Variants in PARD3B observed in about 807,000 individuals in gnomAD.
PARD3B encodes the protein partitioning defective 3 homolog B.
PARD3B carries 103 observed loss-of-function variants against 130.2 expected under a neutral mutation model. The observed-to-expected ratio is 0.79, with a 90% CI of 0.67 to 0.93. The LOEUF is 0.93. PARD3B is among the 40% of genes least tolerant of loss of function. The pLI, the probability that PARD3B is intolerant of heterozygous loss-of-function variation, is 0.00. For missense variants in PARD3B, 1,609 were observed against 1,499.2 expected (o/e 1.07, Z -1.21); for synonymous variants, 583 against 553.2 (o/e 1.05, Z -0.76).
intron 15 of PARD3B, among the ~76,000 whole-genome samples, chr2:205,217,888 A>C (rs1559553074): frequency 1.3e-5 from 1 of 75,078 alleles, no homozygotes; most frequent in Non-Finnish European, 2.5e-5. Flanking sequence ...ATATATATAT[A>C]TATATATTTT....
chr2:204,898,426 A>C (rs1422109196), intron 2 of PARD3B, among the ~76,000 whole-genome samples: 4 of 152,002 alleles, frequency 2.6e-5, no homozygotes, highest in Non-Finnish European at 5.9e-5. Flanking sequence ...TGTACCTATT[A>C]ACCATCCACA....
At chr2:205,042,238 C>T (rs1289297600) in intron 3 of PARD3B, among the ~76,000 whole-genome samples, 1 of 152,174 alleles carries the variant, frequency 6.6e-6, no homozygotes, top group African/African-American at 2.4e-5. Flanking sequence ...AGCTGCCCCA[C>T]CATTAAAATA....
chr2:205,428,062 T>C (rs1315679826), intron 19 of PARD3B, among the ~76,000 whole-genome samples: 1 of 152,120 alleles, frequency 6.6e-6, no homozygotes, highest in Non-Finnish European at 1.5e-5. Flanking sequence ...AGTGAAGTGC[T>C]CATGAATGGG....
In PARD3B at chr2:204,965,222, G is replaced by C; in HGVS notation, c.293G>C (p.Arg98Pro). The C allele has an allele frequency of 6.2e-7, 1 of 1,613,914 alleles. No homozygotes were observed. ...IESPSGNPADRQSPDAFETEV... is the reference protein window; with the variant it reads ...IESPSGNPADPQSPDAFETEV... ...AGCCCCAGTGGAAACCCTGCAGATCGGCAGAGCCCAGATGCTTTTGAGACA... is the reference window on the plus strand; with the variant it reads ...AGCCCCAGTGGAAACCCTGCAGATCCGCAGAGCCCAGATGCTTTTGAGACA... The change falls in exon 3 of 23, where the codon CGG (arginine) becomes CCG (proline). Residue 98 changes from arginine (R) to proline (P), a missense_variant. Arg to Pro is a moderately radical substitution (Grantham distance 103, BLOSUM62 -2). Transcript: ENST00000406610.
intron 2 of PARD3B, among the ~76,000 whole-genome samples, chr2:204,940,474 G>T (rs1478018276): frequency 7.0e-5 from 10 of 142,046 alleles, no homozygotes. Flanking sequence ...AGTAACTTGA[G>T]AGTTTTTTTT....
At chr2:205,308,006 C>A (rs1010299757) in intron 18 of PARD3B, among the ~76,000 whole-genome samples, 5 of 152,308 alleles carry the variant, frequency 3.3e-5, no homozygotes, top group African/African-American at 1.2e-4. Context: ...GAACCAAGTA[C>A]AAACGCTGCC....
intron 11 of PARD3B, among the ~76,000 whole-genome samples, chr2:205,162,483 C>G (rs1008682971): frequency 6.6e-6 from 1 of 152,248 alleles, no homozygotes; most frequent in African/African-American, 2.4e-5. Context: ...CACTAGCATG[C>G]ATTACATGTT....
At chr2:204,611,309 A>G (rs2033913488) in intron 1 of PARD3B, among the ~76,000 whole-genome samples, 1 of 152,170 alleles carries the variant, frequency 6.6e-6, no homozygotes, top group South Asian at 2.1e-4. Flanking sequence ...TCCTATTAAA[A>G]TTTGCTACAT....
At chr2:205,536,955 T>G (rs911551444) in intron 21 of PARD3B, among the ~76,000 whole-genome samples, 1 of 152,198 alleles carries the variant, frequency 6.6e-6, no homozygotes, top group Non-Finnish European at 1.5e-5. Context: ...AACATATAAA[T>G]CAACTCCCCC....
At chr2:205,061,794 CAAA>C (rs547561903) in intron 4 of PARD3B, among the ~76,000 whole-genome samples, 1 of 123,850 alleles carries the variant, frequency 8.1e-6, no homozygotes. Context: ...CTTTTAATTT[CAAA>C]AAAAAAAAAA....
At chr2:204,597,729 T>C (rs1171168605) in intron 1 of PARD3B, among the ~76,000 whole-genome samples, 2 of 152,162 alleles carry the variant, frequency 1.3e-5, no homozygotes, top group African/African-American at 4.8e-5. Flanking sequence ...CACTTGGTAA[T>C]TGAATGAATG....
chr2:204,993,805 T>G (rs1186407806), intron 3 of PARD3B, among the ~76,000 whole-genome samples: 3 of 150,532 alleles, frequency 2.0e-5, no homozygotes, highest in African/African-American at 7.3e-5. Flanking sequence ...GGTTTAGTCT[T>G]GGGAGATTGT....
intron 20 of PARD3B, among the ~76,000 whole-genome samples, chr2:205,471,495 G>A (rs1166396575): frequency 6.6e-6 from 1 of 151,476 alleles, no homozygotes; most frequent in Non-Finnish European, 1.5e-5. Flanking sequence ...CTGAGTAGCT[G>A]GGATTACAGG....
At chr2:205,432,067 C>G (rs1473607316) in intron 19 of PARD3B, among the ~76,000 whole-genome samples, 2 of 152,076 alleles carry the variant, frequency 1.3e-5, no homozygotes, top group African/African-American at 4.8e-5. Flanking sequence ...ACAGGATGGG[C>G]TCTTGTGTGT....
chr2:205,300,621 G>A lies in PARD3B; in HGVS notation c.2277G>A (p.Lys759=). ...SLQTAVAEVR[K]NDLPFHRPRP... is the part of the protein sequence containing the mutation. The stretch of plus-strand genomic sequence containing the variant: ...AGACTGCAGTGGCCGAGGTCAGGAA[G>A]AATGACCTTCCCTTTCACAGGCCCC... The change falls in exon 17 of 23, where the codon AAG becomes AAA. Residue 759 remains lysine, a synonymous_variant. Coordinates refer to ENST00000406610, the MANE Select transcript of PARD3B (RefSeq NM_001302769.2). This position sits in a 1 kb window ranked among gnomAD's most constrained non-coding sequence, Gnocchi z 4.1. 6.2e-7 allele frequency: 1 copy of A among 1,613,924 alleles called. No individual in the cohort carries two copies. The highest frequency in any genetic ancestry group is 8.5e-7 in the Non-Finnish European group (1 of 1,180,004).
At position 205,125,702 on chromosome 2, in the gene PARD3B, G is replaced by A. The variant is rs1218525422; in HGVS notation, c.1399G>A (p.Ala467Thr). ...KQGETASLVI[A>T]RQEGHFLPRE... is the part of the protein sequence containing the mutation. ...GGGGGAGACAGCATCGCTGGTCATT[G>A]CCCGCCAAGAAGGACATTTTCTGCC... Residue 467 changes from alanine (A) to threonine (T), a missense_variant, in exon 10 of 23, where the codon GCC becomes ACC. Coordinates refer to ENST00000406610, the MANE Select transcript of PARD3B (RefSeq NM_001302769.2). The surrounding 1 kb of genome is among the most constrained non-coding windows in gnomAD (Gnocchi z 4.0). The A allele has an allele frequency of 3.1e-6, 5 of 1,614,108 alleles. No individual in the cohort carries two copies. The South Asian group carries it at 5.5e-5, about 18-fold the overall frequency.
intron 18 of PARD3B, among the ~76,000 whole-genome samples, chr2:205,345,513 A>G (rs966246093): frequency 6.6e-6 from 1 of 151,932 alleles, no homozygotes; most frequent in African/African-American, 2.4e-5. Context: ...TCTGCTGTTT[A>G]CTCAAGGTGC....
chr2:204,996,390 C>CTCAGGGG lies in PARD3B; in HGVS notation c.394+31081_394+31087dup, dbSNP rs1164946967. Among the ~76,000 whole-genome samples the CTCAGGGG allele has an allele frequency of 5.3e-5, 8 of 152,152 alleles. No individual in the cohort carries two copies. The South Asian group carries it at 8.3e-4, about 16-fold the overall frequency. The stretch of plus-strand genomic sequence containing the variant: ...TGGGGGGTGCCTCCCAGTTAGGCTG[C>CTCAGGGG]TCAGGGGTCAGGGGTCAGGGACCCA... On this transcript the variant is annotated intron_variant, in intron 3 of 22. Coordinates refer to ENST00000406610, the MANE Select transcript of PARD3B (RefSeq NM_001302769.2).
intron 18 of PARD3B, among the ~76,000 whole-genome samples, chr2:205,340,400 A>G (rs1472107244): frequency 2.0e-5 from 3 of 152,182 alleles, no homozygotes; most frequent in Non-Finnish European, 2.9e-5. Context: ...GTATAAAAAC[A>G]TACACATAGA....
Sources: allele counts gnomAD v4.1 joint callset (sites outside exome capture counted in the v4.1 genomes callset), GRCh38; gene constraint gnomAD v4.1.1; non-coding constraint Gnocchi (gnomAD v3.1); transcripts MANE v1.5; gene names NCBI Gene and HGNC (gene_info 2026-07-23, HGNC 2026-07-21).